The following CABLES1 variants were observed in gnomAD, a reference collection of about 807,000 sequenced individuals.
CABLES1 encodes the protein Cdk5 and Abl enzyme substrate 1.
In CABLES1, 36 loss-of-function variants were observed where a neutral mutation model predicts 57.8. The ratio of observed to expected loss-of-function variants is 0.62; its 90% CI spans 0.48 to 0.82. The LOEUF is 0.82. Among genes scored for constraint, CABLES1 ranks in the 40% least tolerant of loss-of-function variants. The pLI is 0.00. For missense variants in CABLES1, 767 were observed against 836.6 expected (o/e 0.92, Z 1.03); for synonymous variants, 374 against 363.0 (o/e 1.03, Z -0.35).
At chr18:23,137,487 G>A (rs1323211390) in intron 1 of CABLES1, among the ~76,000 whole-genome samples, 1 of 152,156 alleles carries the variant, frequency 6.6e-6, no homozygotes, top group Non-Finnish European at 1.5e-5. Flanking sequence ...CCTAGGGAGT[G>A]CCCTCCCTTG....
chr18:23,156,724 T>C (rs1055816596), intron 1 of CABLES1, among the ~76,000 whole-genome samples: 6 of 152,176 alleles, frequency 3.9e-5, no homozygotes, highest in Admixed American at 1.3e-4. Flanking sequence ...ATTTAATATA[T>C]ATTATTGACT....
chr18:23,156,266 GC>G (rs2046965252), intron 1 of CABLES1, among the ~76,000 whole-genome samples: 2 of 152,196 alleles, frequency 1.3e-5, no homozygotes, highest in African/African-American at 2.4e-5. Flanking sequence ...TGGGAGGTGA[GC>G]CTGCCGTGTG....
chr18:23,206,817 C>CTTTT (rs774150949), intron 3 of CABLES1, among the ~76,000 whole-genome samples: 7 of 137,368 alleles, frequency 5.1e-5, no homozygotes, highest in African/African-American at 1.9e-4. Context: ...GTTTGTGCAC[C>CTTTT]TTTTTTTTTT....
chr18:23,159,524 C>T (rs569475229), intron 1 of CABLES1, among the ~76,000 whole-genome samples: 2 of 152,244 alleles, frequency 1.3e-5, no homozygotes, highest in East Asian at 3.9e-4. Flanking sequence ...TTAAGTGGAC[C>T]TTTTACCCTA....
rs59555750 is a variant in CABLES1, at chr18:23,248,512, C to CTTTTTTTTTTTTT, written c.1447-4434_1447-4422dup. ...CTGGCAATGTAGCAAGACCCTATGTCTTTTTTTTTTTTTTTTTTTTTTTTT... is the reference window on the plus strand; with the variant it reads ...CTGGCAATGTAGCAAGACCCTATGTCTTTTTTTTTTTTTTTTTTTTTTTTTTTTTTTTTTTTTT... On this transcript the variant is annotated intron_variant, in intron 7 of 9. Transcript: ENST00000256925. 2.7e-3 allele frequency among the ~76,000 whole-genome samples: 247 copies of CTTTTTTTTTTTTT among 90,706 alleles called. 12 individuals are homozygous for CTTTTTTTTTTTTT. The highest frequency in any genetic ancestry group is 2.9e-3 in the Non-Finnish European group (136 of 46,912). 59.5% of individuals were successfully genotyped at this position (90,706 alleles called of 152,430 possible). A position where few individuals can be genotyped will look rare whatever the true frequency, so the allele number is the denominator to read the frequency against.
intron 4 of CABLES1, chr18:23,219,247 G>T: frequency 2.2e-6 from 1 of 454,114 alleles, no homozygotes; most frequent in Non-Finnish European, 4.4e-6. Context: ...CATCCCTCTG[G>T]TCCTCTGTCT....
intron 1 of CABLES1, among the ~76,000 whole-genome samples, chr18:23,167,868 T>C (rs953083353): frequency 3.3e-5 from 5 of 152,200 alleles, no homozygotes; most frequent in African/African-American, 1.2e-4. Context: ...GGCCCTAGAT[T>C]GGCATGGAAG....
At chr18:23,223,119 C>G (rs369942715) in intron 4 of CABLES1, among the ~76,000 whole-genome samples, 2 of 152,190 alleles carry the variant, frequency 1.3e-5, no homozygotes, top group African/African-American at 4.8e-5. Flanking sequence ...AGTCTTTGCT[C>G]GAGCCCTGTT....
chr18:23,253,753 T>C lies in CABLES1; in HGVS notation c.1578T>C (p.Leu526=). 6.2e-7 allele frequency: 1 copy of C among 1,614,174 alleles called. No homozygotes were observed. Residue 526 remains leucine, a synonymous_variant, in exon 9 of 10, where the codon CTT becomes CTC. Transcript: ENST00000256925. ...GTCTGAAACGAGAGATGCGGAAGCT[T>C]GCGCAGGAGGACTGTGGCCTTGAGG... ...IRSLKREMRK[L]AQEDCGLEEP... is the part of the protein sequence containing the mutation.
intron 1 of CABLES1, 78 bp downstream of exon 1, chr18:23,136,685 A>C: frequency 1.1e-6 from 1 of 945,958 alleles, no homozygotes; most frequent in Non-Finnish European, 1.4e-6. Context: ...TCTCTGGGCT[A>C]CGGGACACGG....
intron 4 of CABLES1, among the ~76,000 whole-genome samples, chr18:23,217,624 T>G (rs2047451725): frequency 6.6e-6 from 1 of 152,246 alleles, no homozygotes; most frequent in South Asian, 2.1e-4. Flanking sequence ...TTTTTAAATT[T>G]TTTTTTACTA....
chr18:23,245,247 C>T (rs141677764), intron 7 of CABLES1, among the ~76,000 whole-genome samples: 1 of 152,296 alleles, frequency 6.6e-6, no homozygotes, highest in African/African-American at 2.4e-5. Flanking sequence ...GTGCCTCATG[C>T]CTGTAACCCC....
At chr18:23,177,497 G>A (rs1001749906) in intron 1 of CABLES1, among the ~76,000 whole-genome samples, 9 of 152,012 alleles carry the variant, frequency 5.9e-5, no homozygotes, top group Non-Finnish European at 1.3e-4. Context: ...GCCGGTCTAT[G>A]TGTGGTCAGC....
chr18:23,173,274 C>T (rs1440465156), intron 1 of CABLES1, among the ~76,000 whole-genome samples: 1 of 152,218 alleles, frequency 6.6e-6, no homozygotes, highest in East Asian at 1.9e-4. Flanking sequence ...GCCTAACCTG[C>T]TGCCTGCTGC....
At chr18:23,209,887 G>A (rs189874220) in intron 3 of CABLES1, among the ~76,000 whole-genome samples, 13 of 152,184 alleles carry the variant, frequency 8.5e-5, no homozygotes, top group African/African-American at 2.2e-4. Flanking sequence ...GCGGGGGGGC[G>A]GTCCTTGTGC....
intron 7 of CABLES1, among the ~76,000 whole-genome samples, chr18:23,246,343 T>G (rs1015820460): frequency 1.3e-5 from 2 of 151,756 alleles, no homozygotes; most frequent in Non-Finnish European, 2.9e-5. Context: ...ATTAGCACTT[T>G]GATTTACAGT....
chr18:23,246,671 T>TGGCG (rs1568089366), intron 7 of CABLES1, among the ~76,000 whole-genome samples: 1 of 151,578 alleles, frequency 6.6e-6, no homozygotes, highest in Non-Finnish European at 1.5e-5. Flanking sequence ...GATTATATGC[T>TGGCG]TGAGCCACCG....
intron 1 of CABLES1, chr18:23,155,948 C>G: frequency 6.2e-7 from 1 of 1,614,058 alleles, no homozygotes; most frequent in East Asian, 2.2e-5. Context: ...TGCTGATTTT[C>G]CCATGTAAGT....
At chr18:23,199,441 A>G (rs983284260) in intron 3 of CABLES1, among the ~76,000 whole-genome samples, 1 of 152,234 alleles carries the variant, frequency 6.6e-6, no homozygotes, top group African/African-American at 2.4e-5. Context: ...AATAGGTGGA[A>G]ACAACCCCAG....
Sources: allele counts gnomAD v4.1 joint callset (sites outside exome capture counted in the v4.1 genomes callset), GRCh38; gene constraint gnomAD v4.1.1; transcripts MANE v1.5; gene names NCBI Gene and HGNC (gene_info 2026-07-23, HGNC 2026-07-21).